Variants in ANGPTL6 observed in about 807,000 individuals in gnomAD.
The protein encoded by ANGPTL6 is angiopoietin-related protein 6.
A neutral mutation model predicts 47.4 loss-of-function variants in ANGPTL6; 45 were observed. The observed-to-expected ratio is 0.95, with a 90% CI of 0.75 to 1.22. ANGPTL6 has a LOEUF of 1.22. Among genes scored for constraint, ANGPTL6 ranks in the 50% most tolerant of loss-of-function variants. The pLI, the probability that ANGPTL6 is intolerant of heterozygous loss-of-function variation, is 0.00. For missense variants in ANGPTL6, 698 were observed against 669.4 expected (o/e 1.04, Z -0.47); for synonymous variants, 290 against 295.9 (o/e 0.98, Z 0.20).
Position 10,102,567 on chromosome 19 carries a change from C to G in ANGPTL6, c.-11+1G>C. On this transcript the variant is annotated splice_donor_variant, in intron 1 of 5. Coordinates refer to ENST00000253109, the MANE Select transcript of ANGPTL6 (RefSeq NM_031917.3). LOFTEE classifies it low-confidence loss of function (5UTR_SPLICE). ...CTCCACCTACCTTCCCACCCTCTCA[C>G]CTCTGATGCCCAAGACCCTGAATCC... 2.0e-6 allele frequency: 2 copies of G among 984,474 alleles called. No homozygotes were observed. Among genetic ancestry groups the G allele is most frequent in the African/African-American group, 1.7e-5 (1 of 57,316 alleles). The allele number at this position is 984,474 out of a possible 1,614,324, so 61.0% of individuals were successfully genotyped here. A position where few individuals can be genotyped will look rare whatever the true frequency, so the allele number is the denominator to read the frequency against.
chr19:10,099,641 G>C (rs1197217686), intron 1 of ANGPTL6, among the ~76,000 whole-genome samples: 3 of 149,916 alleles, frequency 2.0e-5, no homozygotes, highest in Non-Finnish European at 3.0e-5. Flanking sequence ...CCTCCTCCCA[G>C]GCCCTTCCTC....
chr19:10,093,869 C>T lies in ANGPTL6; in HGVS notation c.775G>A (p.Asp259Asn). The change falls in exon 4 of 6, where the codon GAT becomes AAT. Residue 259 changes from aspartate (D) to asparagine (N), a missense_variant. Coordinates refer to ENST00000253109, the MANE Select transcript of ANGPTL6 (RefSeq NM_031917.3). ...CCTGCCTGGCGGGCCTCTGCACAAT[C>T]CTGCCACGGGCCTGTGGGCACAGGG... ...VPTKPVGPWQ[D>N]CAEARQAGHE... The T allele has an allele frequency of 6.2e-7, 1 of 1,608,868 alleles. No individual in the cohort carries two copies. Among genetic ancestry groups the T allele is most frequent in the African/African-American group, 1.3e-5 (1 of 75,078 alleles).
Position 10,096,399 on chromosome 19 carries a change from C to T in ANGPTL6, c.165G>A (p.Glu55=), listed in dbSNP as rs2088542249. ...SGPASTRATP[E]AANASELAAL... ...CCGCCAGCTCGCTGGCGTTGGCGGCCTCGGGCGTCGCCCGCGTGGATGCGG... is the reference window on the plus strand; with the variant it reads ...CCGCCAGCTCGCTGGCGTTGGCGGCTTCGGGCGTCGCCCGCGTGGATGCGG... The change falls in exon 2 of 6, where the codon GAG becomes GAA. Residue 55 remains glutamate, a synonymous_variant. Transcript: ENST00000253109. 17 of 1,308,970 alleles carry T rather than the reference C, an allele frequency of 1.3e-5. No individual in the cohort carries two copies. The highest frequency in any genetic ancestry group is 2.2e-5 in the South Asian group (1 of 45,138). 81.1% of individuals were successfully genotyped at this position (1,308,970 alleles called of 1,614,324 possible). A position where few individuals can be genotyped will look rare whatever the true frequency, so the allele number is the denominator to read the frequency against.
At chr19:10,099,137 C>T (rs575637248) in intron 1 of ANGPTL6, among the ~76,000 whole-genome samples, 1 of 152,284 alleles carries the variant, frequency 6.6e-6, no homozygotes, top group Non-Finnish European at 1.5e-5. Context: ...GATTTCCATC[C>T]TCAACCCCAG....
At chr19:10,098,900 T>G (rs1339704476) in intron 1 of ANGPTL6, among the ~76,000 whole-genome samples, 1 of 151,322 alleles carries the variant, frequency 6.6e-6, no homozygotes, top group Non-Finnish European at 1.5e-5. Flanking sequence ...CTAACTGCCT[T>G]CCCATCCGTC....
chr19:10,096,167 C>T lies in ANGPTL6; in HGVS notation c.397G>A (p.Ala133Thr), dbSNP rs757435327. 5 of 1,306,678 alleles carry T rather than the reference C, an allele frequency of 3.8e-6. No individual in the cohort carries two copies. The South Asian group carries it at 8.4e-5, about 22-fold the overall frequency. 80.9% of individuals were successfully genotyped at this position (1,306,678 alleles called of 1,614,324 possible). Residue 133 changes from alanine (A) to threonine (T), a missense_variant, in exon 2 of 6, where the codon GCC becomes ACC. Ala to Thr is a moderately conservative substitution (Grantham distance 58). Transcript: ENST00000253109. ...GPGADLGAEPAAALALLGERV... is the reference protein window; with the variant it reads ...GPGADLGAEPTAALALLGERV... ...TCCCCGAGCAGCGCCAGCGCCGCGG[C>T]AGGCTCCGCCCCCAGATCCGCCCCC...
Position 10,096,528 on chromosome 19 carries a change from C to A in ANGPTL6, c.36G>T (p.Leu12=). Residue 12 remains leucine (L), a synonymous_variant, in exon 2 of 6, where the codon CTG becomes CTT. Transcript: ENST00000253109. ...GKPWLRALQL[L]LLLGASWARA... ...GCGCCCACGACGCGCCCAGCAGGAG[C>A]AGCAGCTGTAGCGCACGCAGCCAGG... 2.6e-6 allele frequency: 4 copies of A among 1,515,578 alleles called. No individual in the cohort carries two copies. Among genetic ancestry groups the A allele is most frequent in the Non-Finnish European group, 3.5e-6 (4 of 1,138,508 alleles). 93.9% of individuals were successfully genotyped at this position (1,515,578 alleles called of 1,614,324 possible).
chr19:10,103,821 G>A (rs575660387), upstream of ANGPTL6, among the ~76,000 whole-genome samples: 181 of 150,998 alleles, frequency 1.2e-3, 3 homozygotes, highest in Middle Eastern at 6.9e-3. Context: ...AAGGCTGGGC[G>A]CGGTGGCTCA....
intron 1 of ANGPTL6, 38 bp from the exon 2 acceptor site, chr19:10,096,611 TGG>T (rs1450663703): frequency 1.4e-6 from 2 of 1,429,470 alleles, no homozygotes; most frequent in Non-Finnish European, 1.8e-6. Flanking sequence ...GACGGGGTGC[TGG>T]GGCCCAGCGA....
Position 10,093,687 on chromosome 19 carries a change from G to A in ANGPTL6, c.951+6C>T. 1.2e-6 allele frequency: 2 copies of A among 1,614,148 alleles called. No individual in the cohort carries two copies. Among genetic ancestry groups the A allele is most frequent in the Non-Finnish European group, 1.7e-6 (2 of 1,180,004 alleles). On this transcript the variant is annotated splice_donor_region_variant and intron_variant, in intron 4 of 5. Coordinates refer to ENST00000253109, the MANE Select transcript of ANGPTL6 (RefSeq NM_031917.3). ...CCCTTCCCTGCCTCTGCCCACCTGT[G>A]CCCACCTTATAGTGCTGCCAGGTAG... is the stretch of plus-strand genomic sequence containing the variant.
intron 1 of ANGPTL6, among the ~76,000 whole-genome samples, chr19:10,101,009 G>A (rs1237526274): frequency 6.6e-6 from 1 of 151,984 alleles, no homozygotes; most frequent in African/African-American, 2.4e-5. Flanking sequence ...AGGAGTTTGA[G>A]ACCAGCTTGG....
At chr19:10,101,830 G>A (rs1284916319) in intron 1 of ANGPTL6, among the ~76,000 whole-genome samples, 1 of 138,530 alleles carries the variant, frequency 7.2e-6, no homozygotes, top group African/African-American at 2.7e-5. Context: ...AAAAAGGCCA[G>A]GTGCGGTGGC....
chr19:10,094,442 G>C, intron 3 of ANGPTL6: 2 of 353,646 alleles, frequency 5.7e-6, no homozygotes, highest in South Asian at 5.5e-5. Flanking sequence ...CATCGCGCCC[G>C]GCCAACTCTG....
chr19:10,100,267 A>G (rs1347563244), intron 1 of ANGPTL6, among the ~76,000 whole-genome samples: 2 of 151,720 alleles, frequency 1.3e-5, no homozygotes, highest in Non-Finnish European at 2.9e-5. Context: ...AAAAAAAGAG[A>G]GAGTCGTGCT....
chr19:10,098,380 A>C (rs547347726), intron 1 of ANGPTL6, among the ~76,000 whole-genome samples: 38 of 152,016 alleles, frequency 2.5e-4, no homozygotes, highest in African/African-American at 9.2e-4. Context: ...AAAAACAGCA[A>C]ACTAGGTAAA....
chr19:10,099,915 C>T (rs1302872971), intron 1 of ANGPTL6, among the ~76,000 whole-genome samples: 11 of 147,186 alleles, frequency 7.5e-5, no homozygotes, highest in Middle Eastern at 3.2e-3. Context: ...GACGGAGTCT[C>T]GCTCTGCAAT....
chr19:10,092,343 C>T lies in ANGPTL6; in HGVS notation c.*246G>A, dbSNP rs1285031054. The T allele has an allele frequency of 6.5e-7, 1 of 1,549,306 alleles. No individual in the cohort carries two copies. The highest frequency in any genetic ancestry group is 2.4e-5 in the East Asian group (1 of 41,056). On this transcript the variant is annotated 3_prime_UTR_variant, in exon 6 of 6. Transcript: ENST00000253109. ...GATACAAACCAGACACGGTCTGTGGCTACTTTGTGTTATTATAAGATATGA... is the reference window on the plus strand; with the variant it reads ...GATACAAACCAGACACGGTCTGTGGTTACTTTGTGTTATTATAAGATATGA...
Position 10,095,864 on chromosome 19 carries a change from G to A in ANGPTL6, c.582+118C>T, listed in dbSNP as rs183679189. The A allele has an allele frequency of 2.8e-4, 163 of 590,398 alleles. No individual in the cohort carries two copies. The African/African-American group carries it at 2.9e-3, about 10-fold the overall frequency. 36.6% of individuals were successfully genotyped at this position (590,398 alleles called of 1,614,324 possible). On this transcript the variant is annotated intron_variant, in intron 2 of 5. Coordinates refer to ENST00000253109, the MANE Select transcript of ANGPTL6 (RefSeq NM_031917.3). ...ACCCAAATAAGTTACCAGAAGGGGC[G>A]AGTAGGAATCCGGTTTTCAGGGTTT... is the stretch of plus-strand genomic sequence containing the variant.
At chr19:10,103,620 TAAATAATAA>T (rs949782098), upstream of ANGPTL6, among the ~76,000 whole-genome samples, 4 of 25,710 alleles carry the variant, frequency 1.6e-4, no homozygotes, top group African/African-American at 1.1e-3. Context: ...AATAAATAAA[TAAATAATAA>T]ATAAATAATA....
Sources: gnomAD v4.1 joint callset for allele counts (sites outside exome capture counted in the v4.1 genomes callset) on GRCh38, gnomAD v4.1.1 for gene constraint, MANE v1.5 for transcripts, NCBI Gene and HGNC (gene_info 2026-07-23, HGNC 2026-07-21) for gene names.